Variants in CATSPER2 observed in about 807,000 individuals in gnomAD.
CATSPER2 encodes the protein cation channel sperm associated 2, also known as cation channel sperm-associated protein 2.
In CATSPER2, 56 loss-of-function variants were observed where a neutral mutation model predicts 68.8. That is an observed-to-expected ratio of 0.81 (90% CI 0.66 to 1.02). The LOEUF is 1.02. CATSPER2 is among the 50% of genes least tolerant of loss of function. The pLI is 0.00. For missense variants in CATSPER2, 582 were observed against 642.0 expected, an observed-to-expected ratio of 0.91 and a Z score of 1.01; for synonymous variants, 198 against 229.9, an observed-to-expected ratio of 0.86 and a Z score of 1.26.
intron 7 of CATSPER2, among the ~76,000 whole-genome samples, chr15:43,636,904 C>T (rs962860084): frequency 9.3e-5 from 14 of 151,094 alleles, no homozygotes; most frequent in African/African-American, 3.2e-4. Context: ...CTCACTTCAA[C>T]CTCTGCACTC....
rs2086037775 is a variant in CATSPER2, at chr15:43,639,680, A to G, written c.680T>C (p.Ile227Thr). ...GACCAGGACCAAAATAATAATTTGA[A>G]TTTGACGGAATTGTGCAAGGAGTTT... ...SLKLLAQFRQ[I>T]QIIILVLVRA... Residue 227 changes from isoleucine to threonine, a missense_variant, in exon 6 of 13, where the codon ATT becomes ACT. Transcript: ENST00000396879. 3 of 1,613,096 alleles carry G rather than the reference A, an allele frequency of 1.9e-6. No homozygotes were observed. The highest frequency in any genetic ancestry group is 1.3e-5 in the African/African-American group (1 of 74,680).
In CATSPER2 at chr15:43,635,772, T is replaced by A; in HGVS notation, c.1076A>T (p.Glu359Val). ...KELNEEMARREVQLKADMFKR... is the reference protein window; with the variant it reads ...KELNEEMARRVVQLKADMFKR... ...GAACATGTCAGCTTTGAGCTGAACC[T>A]CCCGACGCGCCATCTCCTCATTCAG... Residue 359 changes from glutamate (E) to valine (V), a missense_variant, in exon 9 of 13, where the codon GAG becomes GTG. This residue lies in a region of CATSPER2 where 235 missense variants were observed against 264.2 expected (regional missense o/e 0.89). Coordinates refer to ENST00000396879, the MANE Select transcript of CATSPER2 (RefSeq NM_172095.4). 6.2e-7 allele frequency: 1 copy of A among 1,613,650 alleles called. No individual in the cohort carries two copies. Among genetic ancestry groups the A allele is most frequent in the Non-Finnish European group, 8.5e-7 (1 of 1,179,810 alleles).
Position 43,630,548 on chromosome 15 carries a change from G to T in CATSPER2, c.*153C>A. On this transcript the variant is annotated 3_prime_UTR_variant, in exon 13 of 13. Coordinates refer to ENST00000396879, the MANE Select transcript of CATSPER2 (RefSeq NM_172095.4). ...TTTTTTGTATTTTTAGTAGAGACAG[G>T]GTTTCACCACGCCTGGCCTAGACAC... The T allele has an allele frequency of 6.6e-7, 1 of 1,521,282 alleles. No homozygotes were observed. Among genetic ancestry groups the T allele is most frequent in the Non-Finnish European group, 8.9e-7 (1 of 1,120,162 alleles). The allele number at this position is 1,521,282 out of a possible 1,614,324, so 94.2% of individuals were successfully genotyped here. A position where few individuals can be genotyped will look rare whatever the true frequency, so the allele number is the denominator to read the frequency against.
At chr15:43,643,547 G>C (rs1047488386) in intron 4 of CATSPER2, among the ~76,000 whole-genome samples, 1 of 151,792 alleles carries the variant, frequency 6.6e-6, no homozygotes, top group Admixed American at 6.6e-5. Flanking sequence ...ATGTTGGCCA[G>C]GTTGGTCTTG....
At position 43,630,478 on chromosome 15, in the gene CATSPER2, C is replaced by T; in HGVS notation, c.*223G>A. On this transcript the variant is annotated 3_prime_UTR_variant, in exon 13 of 13. Coordinates refer to ENST00000396879, the MANE Select transcript of CATSPER2 (RefSeq NM_172095.4). ...CAAGTGATTCTCCTGCCTCAGGCTC[C>T]CAAGTAGCTATGATTACAAGCATCT... 1.1e-6 allele frequency: 1 copy of T among 936,700 alleles called. No homozygotes were observed. The allele number at this position is 936,700 out of a possible 1,614,324, so 58.0% of individuals were successfully genotyped here. A position where few individuals can be genotyped will look rare whatever the true frequency, so the allele number is the denominator to read the frequency against.
At chr15:43,646,364 G>A (rs1375783251) in intron 4 of CATSPER2, among the ~76,000 whole-genome samples, 2 of 151,202 alleles carry the variant, frequency 1.3e-5, no homozygotes, top group Non-Finnish European at 2.9e-5. Flanking sequence ...ACGATCAAGC[G>A]TCCTCCTGCC....
chr15:43,632,563 A>AGAC, intron 11 of CATSPER2, 154 bp downstream of exon 11: 1 of 1,495,952 alleles, frequency 6.7e-7, no homozygotes, highest in Non-Finnish European at 9.2e-7. Context: ...GTGAAGAAGA[A>AGAC]GTACAGGGGA....
intron 2 of CATSPER2, 64 bp downstream of exon 2, chr15:43,647,853 C>G: frequency 6.4e-7 from 1 of 1,571,910 alleles, no homozygotes; most frequent in African/African-American, 1.4e-5. Context: ...ATTTTCCACT[C>G]TTAAATGTAG....
In CATSPER2 at chr15:43,639,659, A is replaced by G. The variant is rs1227091715; in HGVS notation, c.701T>C (p.Leu234Pro). 4 of 1,613,150 alleles carry G rather than the reference A, an allele frequency of 2.5e-6. No homozygotes were observed. The highest frequency in any genetic ancestry group is 3.4e-6 in the Non-Finnish European group (4 of 1,179,598). Residue 234 changes from leucine (L) to proline (P), a missense_variant, in exon 6 of 13, where the codon CTG (leucine) becomes CCG (proline). This residue lies in a region of CATSPER2 where 91 missense variants were observed against 72.8 expected (regional missense o/e 1.25). Coordinates refer to ENST00000396879, the MANE Select transcript of CATSPER2 (RefSeq NM_172095.4). ...FRQIQIIILV[L>P]VRALKSMTFL... ...TCAAATCACCTTGAGGGCCCTGACC[A>G]GGACCAAAATAATAATTTGAATTTG...
chr15:43,636,333 T>G lies in CATSPER2; in HGVS notation c.843-114A>C, dbSNP rs1345884827. The G allele has an allele frequency of 2.8e-6, 4 of 1,427,630 alleles. No individual in the cohort carries two copies. The East Asian group carries it at 9.4e-5, about 34-fold the overall frequency. The allele number at this position is 1,427,630 out of a possible 1,614,324, so 88.4% of individuals were successfully genotyped here. A position where few individuals can be genotyped will look rare whatever the true frequency, so the allele number is the denominator to read the frequency against. On this transcript the variant is annotated intron_variant, in intron 7 of 12. Transcript: ENST00000396879. ...ATTTCTTTGTAGTTTGTTCTGATTT[T>G]GGCTCCTTTTCTACCATACTCAGTT...
chr15:43,638,218 T>C (rs987161328), intron 7 of CATSPER2, among the ~76,000 whole-genome samples: 1 of 151,330 alleles, frequency 6.6e-6, no homozygotes, highest in Non-Finnish European at 1.5e-5. Flanking sequence ...CTTCTGAAAC[T>C]GCTGGGATTA....
intron 4 of CATSPER2, among the ~76,000 whole-genome samples, chr15:43,644,153 G>A (rs2447211): frequency 0.22 from 33,083 of 151,790 alleles, 5,879 homozygotes; most frequent in African/African-American, 0.48. Flanking sequence ...ATATCCAGTT[G>A]TGGAAGCAGA....
rs113109432 is a variant in CATSPER2 at position 43,630,413 on chromosome 15, G to A, written c.*288C>T. On this transcript the variant is annotated 3_prime_UTR_variant, in exon 13 of 13. Coordinates refer to ENST00000396879, the MANE Select transcript of CATSPER2 (RefSeq NM_172095.4). ...TCTGTTGCCCAGGCTGGAGTGCAGTGGTGCAATCTTGGCTCACTGCAACCT... is the reference window on the plus strand; with the variant it reads ...TCTGTTGCCCAGGCTGGAGTGCAGTAGTGCAATCTTGGCTCACTGCAACCT... 1.1e-5 allele frequency: 5 copies of A among 461,058 alleles called. No individual in the cohort carries two copies. The highest frequency in any genetic ancestry group is 6.0e-5 in the African/African-American group (3 of 49,906). 28.6% of individuals were successfully genotyped at this position (461,058 alleles called of 1,614,324 possible).
At chr15:43,631,615 G>T in intron 12 of CATSPER2, 1 of 278,354 alleles carries the variant, frequency 3.6e-6, no homozygotes, top group Non-Finnish European at 7.9e-6. Flanking sequence ...TGAATAGATA[G>T]TTCCCAGTTT....
rs1354288133 is a variant in CATSPER2 at position 43,638,286 on chromosome 15, C to CTTTCTTTTTTTTTTTTTTTT, written c.842+617_842+618insAAAAAAAAAAAAAAAAGAAA. 5.0e-4 allele frequency among the ~76,000 whole-genome samples: 41 copies of CTTTCTTTTTTTTTTTTTTTT among 81,832 alleles called. 1 individual carries two copies. Among genetic ancestry groups the CTTTCTTTTTTTTTTTTTTTT allele is most frequent in the African/African-American group, 1.9e-3 (25 of 13,270 alleles). 53.7% of individuals were successfully genotyped at this position (81,832 alleles called of 152,430 possible). Reference sequence around the variant, plus strand: ...ATTTTTCTTTTCTTTTTCTTTCTTTCTTTTTTTTTTTTTTTTTTTTTGAGA... The same window carrying CTTTCTTTTTTTTTTTTTTTT: ...ATTTTTCTTTTCTTTTTCTTTCTTTCTTTCTTTTTTTTTTTTTTTTTTTTTTTTTTTTTTTTTTTTTGAGA... On this transcript the variant is annotated intron_variant, in intron 7 of 12. Transcript: ENST00000396879.
chr15:43,648,772 G>A lies in CATSPER2; in HGVS notation c.-146C>T. ...CTGCGCCCCATTCCCCGCCCCGCTC[G>A]ACCCCCAGGTTTCGGCTCACCCCGG... On this transcript the variant is annotated 5_prime_UTR_variant, in exon 1 of 13. Coordinates refer to ENST00000396879, the MANE Select transcript of CATSPER2 (RefSeq NM_172095.4). 2 of 1,522,158 alleles carry A rather than the reference G, an allele frequency of 1.3e-6. No individual in the cohort carries two copies. Among genetic ancestry groups the A allele is most frequent in the Admixed American group, 2.0e-5 (1 of 48,826 alleles). 94.3% of individuals were successfully genotyped at this position (1,522,158 alleles called of 1,614,324 possible).
chr15:43,642,385 G>A (rs1328117862), intron 4 of CATSPER2: 1 of 150,942 alleles, frequency 6.6e-6, no homozygotes, highest in Non-Finnish European at 1.5e-5. Flanking sequence ...TACAACCAGC[G>A]ATGTGTCCCA....
At chr15:43,636,774 T>C (rs1392555485) in intron 7 of CATSPER2, among the ~76,000 whole-genome samples, 3 of 151,848 alleles carry the variant, frequency 2.0e-5, no homozygotes, top group African/African-American at 7.3e-5. Context: ...TAAACAGGTA[T>C]TGACTGAATT....
chr15:43,647,613 T>C (rs1159541447), intron 2 of CATSPER2, 146 bp from the exon 3 acceptor site: 5 of 829,176 alleles, frequency 6.0e-6, no homozygotes, highest in South Asian at 2.8e-5. Flanking sequence ...AAGAATTCTG[T>C]TTGGAGTGAG....
Sources: allele counts gnomAD v4.1 joint callset (sites outside exome capture counted in the v4.1 genomes callset), GRCh38; gene constraint gnomAD v4.1.1; regional missense constraint gnomAD v4.1.1; transcripts MANE v1.5; gene names NCBI Gene and HGNC (gene_info 2026-07-23, HGNC 2026-07-21).